Variants in ZBTB7C observed in about 807,000 individuals in gnomAD.
ZBTB7C encodes zinc finger and BTB domain containing 7C.
In ZBTB7C, 8 loss-of-function variants were observed where a neutral mutation model predicts 25.7. The observed-to-expected ratio is 0.31, with a 90% CI of 0.18 to 0.56. The LOEUF is 0.56. ZBTB7C is among the 20% of genes least tolerant of loss of function. ZBTB7C has a pLI of 0.91. For missense variants in ZBTB7C, 824 were observed against 855.2 expected, an observed-to-expected ratio of 0.96 and a Z score of 0.46; for synonymous variants, 394 against 369.0, an observed-to-expected ratio of 1.07 and a Z score of -0.78.
intron 1 of ZBTB7C, among the ~76,000 whole-genome samples, chr18:48,367,101 A>G (rs968298981): frequency 6.8e-6 from 1 of 147,576 alleles, no homozygotes; most frequent in East Asian, 2.0e-4. Flanking sequence ...ATAATAAAGA[A>G]AAGGAAGTAG....
Position 48,164,828 on chromosome 18 carries a change from G to T in ZBTB7C, c.-17+21106C>A, listed in dbSNP as rs904340971. 2.0e-5 allele frequency among the ~76,000 whole-genome samples: 3 copies of T among 152,066 alleles called. No homozygotes were observed. The South Asian group carries it at 6.2e-4, about 32-fold the overall frequency. ...ACTGTATACTAGATACTGTTCAGAT[G>T]ACTTTAGACATATTAACTCATTTAG... On this transcript the variant is annotated intron_variant, in intron 3 of 4. Transcript: ENST00000590800.
intron 1 of ZBTB7C, among the ~76,000 whole-genome samples, chr18:48,365,182 A>G (rs997489631): frequency 6.6e-6 from 1 of 152,204 alleles, no homozygotes; most frequent in Non-Finnish European, 1.5e-5. Flanking sequence ...GTTGTTTTCA[A>G]TCTTTTACTG....
intron 2 of ZBTB7C, among the ~76,000 whole-genome samples, chr18:48,187,295 G>A (rs72922194): frequency 0.062 from 9,393 of 152,268 alleles, 293 homozygotes; most frequent in East Asian, 0.1. Flanking sequence ...GCCAAAAGAC[G>A]GAGGGAAGTC....
At chr18:48,408,958 T>G (rs910438377) in intron 1 of ZBTB7C, among the ~76,000 whole-genome samples, 2 of 140,368 alleles carry the variant, frequency 1.4e-5, no homozygotes, top group Non-Finnish European at 3.1e-5. Context: ...CTCCGTTGCA[T>G]GGCTGCCGCA....
chr18:48,057,292 G>T (rs537856518), intron 3 of ZBTB7C, among the ~76,000 whole-genome samples: 17 of 152,118 alleles, frequency 1.1e-4, no homozygotes, highest in East Asian at 7.7e-4. Flanking sequence ...TTACATATAG[G>T]ATTATCTCTG....
intron 3 of ZBTB7C, among the ~76,000 whole-genome samples, chr18:48,118,001 C>CTTTTT (rs11358230): frequency 2.3e-5 from 3 of 128,512 alleles, no homozygotes; most frequent in Non-Finnish European, 5.0e-5. Context: ...TCTTCTTCTT[C>CTTTTT]TTTTTTTTTT....
intron 3 of ZBTB7C, among the ~76,000 whole-genome samples, chr18:48,141,740 T>C (rs1164350762): frequency 6.6e-6 from 1 of 152,174 alleles, no homozygotes; most frequent in Non-Finnish European, 1.5e-5. Flanking sequence ...AACAAATGTT[T>C]AATTAAATTT....
chr18:48,051,613 T>TG (rs1185807120), intron 3 of ZBTB7C, among the ~76,000 whole-genome samples: 3 of 151,696 alleles, frequency 2.0e-5, no homozygotes, highest in Non-Finnish European at 2.9e-5. Context: ...GGGATGAGAG[T>TG]GGGGGCGCTC....
At position 48,289,264 on chromosome 18, in the gene ZBTB7C, C is replaced by T. The variant is rs377611113; in HGVS notation, c.-79+48910G>A. On this transcript the variant is annotated intron_variant, in intron 2 of 4. Transcript: ENST00000590800. The stretch of plus-strand genomic sequence containing the variant: ...CAAATTCACTTTTAGGCATGTTATT[C>T]ACATCTAGTCTCTCACACTTATGCT... 3.3e-4 allele frequency among the ~76,000 whole-genome samples: 51 copies of T among 152,250 alleles called. No individual in the cohort carries two copies. The South Asian group carries it at 0.01, about 30-fold the overall frequency.
chr18:48,218,654 G>A (rs1230097079), intron 2 of ZBTB7C, among the ~76,000 whole-genome samples: 3 of 152,188 alleles, frequency 2.0e-5, no homozygotes, highest in African/African-American at 7.2e-5. Context: ...CCTTCAAACA[G>A]GTTGTTGTAG....
intron 2 of ZBTB7C, among the ~76,000 whole-genome samples, chr18:48,255,469 A>G (rs2043994099): frequency 6.6e-6 from 1 of 152,214 alleles, no homozygotes. Context: ...AATGGAGTGT[A>G]ACTCACACTG....
intron 1 of ZBTB7C, among the ~76,000 whole-genome samples, chr18:48,341,757 C>T (rs147722056): frequency 3.3e-5 from 5 of 152,316 alleles, no homozygotes; most frequent in African/African-American, 1.2e-4. Context: ...GAAAAGAACA[C>T]AAAATGAGCA....
chr18:48,297,675 C>T (rs1454607959), intron 2 of ZBTB7C, among the ~76,000 whole-genome samples: 3 of 152,200 alleles, frequency 2.0e-5, no homozygotes, highest in Non-Finnish European at 4.4e-5. Flanking sequence ...TCACAGACTC[C>T]CAAATGGCAT....
chr18:48,289,502 A>AT (rs975113024), intron 2 of ZBTB7C, among the ~76,000 whole-genome samples: 1 of 151,332 alleles, frequency 6.6e-6, no homozygotes, highest in Non-Finnish European at 1.5e-5. Flanking sequence ...ACACGGTATG[A>AT]TTTTTTTAAC....
At chr18:48,396,861 G>A (rs1015278191) in intron 1 of ZBTB7C, among the ~76,000 whole-genome samples, 3 of 152,192 alleles carry the variant, frequency 2.0e-5, no homozygotes, top group Non-Finnish European at 4.4e-5. Flanking sequence ...CATAGAAGTT[G>A]AAATATACAA....
At chr18:48,290,459 G>A (rs1028209181) in intron 2 of ZBTB7C, among the ~76,000 whole-genome samples, 1 of 152,256 alleles carries the variant, frequency 6.6e-6, no homozygotes, top group Admixed American at 6.5e-5. Flanking sequence ...CAGTCAGGTA[G>A]CTGCAGTGCC....
At chr18:48,402,066 T>C (rs180889536) in intron 1 of ZBTB7C, among the ~76,000 whole-genome samples, 2 of 152,232 alleles carry the variant, frequency 1.3e-5, no homozygotes, top group East Asian at 3.9e-4. Flanking sequence ...CTATATTTTA[T>C]TCACTGGGCA....
At position 48,115,777 on chromosome 18, in the gene ZBTB7C, G is replaced by T. The variant is rs561249995; in HGVS notation, c.-17+70157C>A. 2.0e-3 allele frequency among the ~76,000 whole-genome samples: 312 copies of T among 152,202 alleles called. 1 individual carries two copies. Among genetic ancestry groups the T allele is most frequent in the African/African-American group, 6.9e-3 (287 of 41,514 alleles). On this transcript the variant is annotated intron_variant, in intron 3 of 4. Coordinates refer to ENST00000590800, the MANE Select transcript of ZBTB7C (RefSeq NM_001318841.2). ...AATTGCTGGGTCACATGGCAATTCT[G>T]TGTTTTACTTTCTGGGGAACCACAA...
intron 1 of ZBTB7C, among the ~76,000 whole-genome samples, chr18:48,338,673 A>T (rs897465752): frequency 6.6e-6 from 1 of 152,034 alleles, no homozygotes; most frequent in African/African-American, 2.4e-5. Context: ...ATTTCATTTC[A>T]TCTGCCTGAA....
Sources: allele counts gnomAD v4.1 joint callset (sites outside exome capture counted in the v4.1 genomes callset), GRCh38; gene constraint gnomAD v4.1.1; transcripts MANE v1.5; gene names NCBI Gene and HGNC (gene_info 2026-07-23, HGNC 2026-07-21).